CACNA1E: variants seen among roughly 807,000 people sequenced by gnomAD.
The protein encoded by CACNA1E is calcium voltage-gated channel subunit alpha1 E.
CACNA1E carries 40 observed loss-of-function variants against 259.2 expected under a neutral mutation model. That is an observed-to-expected ratio of 0.15 (90% CI 0.12 to 0.20). The LOEUF (loss-of-function observed/expected upper bound fraction) is 0.20, where lower values mean the gene tolerates loss of function less well. CACNA1E is among the 10% of genes least tolerant of loss of function. CACNA1E has a pLI of 1.00. For missense variants in CACNA1E, 1,874 were observed against 3,040.1 expected (o/e 0.62, Z 9.02); for synonymous variants, 1,104 against 1,138.5 (o/e 0.97, Z 0.61).
chr1:181,513,782 G>A (rs1164602059), intron 3 of CACNA1E, among the ~76,000 whole-genome samples: 2 of 152,234 alleles, frequency 1.3e-5, no homozygotes, highest in Non-Finnish European at 2.9e-5. Flanking sequence ...GTCCTTGCCT[G>A]CATGTCCAGG....
At chr1:181,437,266 T>C (rs1416902527) in intron 2 of CACNA1E, among the ~76,000 whole-genome samples, 3 of 152,146 alleles carry the variant, frequency 2.0e-5, no homozygotes, top group African/African-American at 7.2e-5. Context: ...CCACATTTGC[T>C]CTTGATCTCA....
In CACNA1E at chr1:181,440,730, C is replaced by T. The variant is rs563794850; in HGVS notation, c.434+27150C>T. Among the ~76,000 whole-genome samples, 166 of 152,098 alleles carry T rather than the reference C, an allele frequency of 1.1e-3. 1 individual carries two copies. The highest frequency in any genetic ancestry group is 3.9e-3 in the African/African-American group (160 of 41,504). ...GTAAACTCAGCACTTCGGGAGGCTG[C>T]GGTGGATCCAGGCTGGGGTAGGCCT... On this transcript the variant is annotated intron_variant, in intron 2 of 11. Coordinates refer to the CACNA1E transcript ENST00000524607.
At chr1:181,572,129 T>A (rs1255313852) in intron 3 of CACNA1E, among the ~76,000 whole-genome samples, 1 of 152,192 alleles carries the variant, frequency 6.6e-6, no homozygotes, top group Non-Finnish European at 1.5e-5. Context: ...TTTTCAGGCA[T>A]AGACTTGTAC....
chr1:181,525,266 A>T (rs1383200597), intron 3 of CACNA1E, among the ~76,000 whole-genome samples: 1 of 152,212 alleles, frequency 6.6e-6, no homozygotes, highest in Non-Finnish European at 1.5e-5. Context: ...TAGGAGGGAC[A>T]GCAGTAGAGT....
chr1:181,477,211 C>T (rs1381294694), intron 2 of CACNA1E, among the ~76,000 whole-genome samples: 2 of 151,656 alleles, frequency 1.3e-5, no homozygotes, highest in Non-Finnish European at 1.5e-5. Flanking sequence ...TCCATGCCTC[C>T]AATAAACTAG....
intron 44 of CACNA1E, among the ~76,000 whole-genome samples, chr1:181,792,452 C>CCACCTCTGATACCTGT (rs1429946845): frequency 6.6e-6 from 1 of 152,212 alleles, no homozygotes; most frequent in Non-Finnish European, 1.5e-5. Flanking sequence ...GTGTCTCACA[C>CCACCTCTGATACCTGT]CACCTCTGAT....
chr1:181,458,569 A>G (rs1048789774), intron 2 of CACNA1E, among the ~76,000 whole-genome samples: 1 of 152,218 alleles, frequency 6.6e-6, no homozygotes, highest in Non-Finnish European at 1.5e-5. Flanking sequence ...GGCAGGATTT[A>G]GCTGTGAAAA....
chr1:181,380,765 A>G (rs1246246251), intron 1 of CACNA1E, among the ~76,000 whole-genome samples: 8 of 152,244 alleles, frequency 5.3e-5, no homozygotes, highest in Admixed American at 4.6e-4. Flanking sequence ...ATAAAATGAT[A>G]GAATTATGTT....
intron 11 of CACNA1E, 136 bp downstream of exon 11, chr1:181,717,438 G>A (rs1382297244): frequency 3.8e-5 from 26 of 686,818 alleles, no homozygotes; most frequent in Admixed American, 1.9e-4. Flanking sequence ...AGGCCACATC[G>A]TCCTCAAGGG....
chr1:181,745,200 A>G (rs1412467111), intron 25 of CACNA1E: 3 of 301,714 alleles, frequency 9.9e-6, no homozygotes, highest in East Asian at 1.7e-4. Flanking sequence ...CTCAGCATGC[A>G]TATTTTTTAG....
intron 6 of CACNA1E, among the ~76,000 whole-genome samples, chr1:181,612,840 G>T (rs1301196066): frequency 6.6e-6 from 1 of 152,214 alleles, no homozygotes; most frequent in Admixed American, 6.5e-5. Context: ...AGGTCATAAA[G>T]ACAGTCTCCT....
chr1:181,461,911 C>CT (rs529077698), intron 2 of CACNA1E, among the ~76,000 whole-genome samples: 65 of 151,742 alleles, frequency 4.3e-4, no homozygotes, highest in African/African-American at 1.5e-3. Context: ...TCCTTCTAGG[C>CT]TTTTTTTTCC....
intron 7 of CACNA1E, among the ~76,000 whole-genome samples, chr1:181,677,149 T>C (rs1649458236): frequency 6.6e-6 from 1 of 152,152 alleles, no homozygotes; most frequent in Non-Finnish European, 1.5e-5. Flanking sequence ...GTTGTTCCTA[T>C]GACTGGATGG....
chr1:181,344,378 T>C (rs12726092), intron 1 of CACNA1E, among the ~76,000 whole-genome samples: 3 of 152,188 alleles, frequency 2.0e-5, no homozygotes, highest in Non-Finnish European at 4.4e-5. Flanking sequence ...AAGGATCCTG[T>C]CTTGGGCTGA....
At chr1:181,394,359 T>C (rs1656508181) in intron 1 of CACNA1E, among the ~76,000 whole-genome samples, 1 of 152,268 alleles carries the variant, frequency 6.6e-6, no homozygotes, top group African/African-American at 2.4e-5. Context: ...TCTTCATCTG[T>C]AAAATGTGGA....
chr1:181,497,591 C>A (rs1664871972), intron 1 of CACNA1E, among the ~76,000 whole-genome samples: 1 of 152,162 alleles, frequency 6.6e-6, no homozygotes, highest in Non-Finnish European at 1.5e-5. Flanking sequence ...ATCATTTAAT[C>A]CAACCCCGGG....
At chr1:181,320,149 A>T (rs1650226723) in intron 1 of CACNA1E, among the ~76,000 whole-genome samples, 1 of 152,164 alleles carries the variant, frequency 6.6e-6, no homozygotes, top group Admixed American at 6.5e-5. Context: ...CACATGGTTG[A>T]GCTATCGGAT....
intron 3 of CACNA1E, among the ~76,000 whole-genome samples, chr1:181,575,906 T>C (rs931455013): frequency 9.1e-4 from 139 of 152,132 alleles, no homozygotes; most frequent in Non-Finnish European, 1.8e-3. Flanking sequence ...ATCTCGCTCT[T>C]TCTCTTTTTC....
At chr1:181,627,853 T>C (rs1452842182) in intron 6 of CACNA1E, among the ~76,000 whole-genome samples, 1 of 152,246 alleles carries the variant, frequency 6.6e-6, no homozygotes, top group East Asian at 1.9e-4. Context: ...TTTCTCTTTC[T>C]AACCGTCTCC....
Sources: gnomAD v4.1 joint callset for allele counts (sites outside exome capture counted in the v4.1 genomes callset) on GRCh38, gnomAD v4.1.1 for gene constraint, MANE v1.5 for transcripts, NCBI Gene and HGNC (gene_info 2026-07-23, HGNC 2026-07-21) for gene names.